Variants in MTHFSD observed in about 807,000 individuals in gnomAD.
MTHFSD encodes methenyltetrahydrofolate synthetase domain containing.
Under a neutral mutation model 31.1 loss-of-function variants are expected in MTHFSD, and 37 were observed. The observed-to-expected ratio is 1.19, with a 90% CI of 0.91 to 1.56. MTHFSD has a LOEUF of 1.56. MTHFSD is among the 40% of genes most tolerant of loss of function. MTHFSD has a pLI of 0.00. For synonymous variants in MTHFSD, 221 were observed against 206.9 expected, an observed-to-expected ratio of 1.07 and a Z score of -0.59; for missense variants, 664 against 510.1, an observed-to-expected ratio of 1.30 and a Z score of -2.91.
Position 86,552,315 on chromosome 16 carries a change from T to A in MTHFSD, c.124-169A>T, listed in dbSNP as rs540049543. On this transcript the variant is annotated intron_variant, in intron 2 of 7. Transcript: ENST00000360900. Reference sequence around the variant, plus strand: ...GCCCTGTTTCCAATGCAATCGCACGTTACTGAAAGGACAGCACGCTCTCAG... The same window carrying A: ...GCCCTGTTTCCAATGCAATCGCACGATACTGAAAGGACAGCACGCTCTCAG... The A allele has an allele frequency of 1.5e-5, 23 of 1,535,966 alleles. No individual in the cohort carries two copies. The East Asian group carries it at 4.9e-4, about 33-fold the overall frequency.
chr16:86,541,541 TG>T, intron 7 of MTHFSD, 155 bp downstream of exon 7: 2 of 1,000,492 alleles, frequency 2.0e-6, no homozygotes, highest in Non-Finnish European at 2.9e-6. Flanking sequence ...GGCCTGGACA[TG>T]GTCATTCAGG....
chr16:86,532,217 C>A lies in MTHFSD; in HGVS notation c.946G>T (p.Asp316Tyr). ...CTCTTCAGGTCACTCACACGGGCGT[C>A]CCCGGGGAGGTTCCCAACGTAAACA... ...ADVYVGNLPG[D>Y]ARVSDLKRAL... The change falls in exon 8 of 8, where the codon GAC becomes TAC. Residue 316 changes from aspartate to tyrosine, a missense_variant. By Grantham distance (160) the Asp-to-Tyr change is radical. Coordinates refer to ENST00000360900, the MANE Select transcript of MTHFSD (RefSeq NM_001159377.2). 6.3e-7 allele frequency: 1 copy of A among 1,580,668 alleles called. No homozygotes were observed. The highest frequency in any genetic ancestry group is 8.6e-7 in the Non-Finnish European group (1 of 1,163,360).
At chr16:86,544,583 T>G (rs1226550150) in intron 5 of MTHFSD, among the ~76,000 whole-genome samples, 1 of 152,160 alleles carries the variant, frequency 6.6e-6, no homozygotes, top group Non-Finnish European at 1.5e-5. Flanking sequence ...TGTGGAGAGA[T>G]AGGAACACTT....
chr16:86,541,407 A>G, intron 7 of MTHFSD: 2 of 576,630 alleles, frequency 3.5e-6, no homozygotes, highest in South Asian at 2.1e-5. Context: ...AACAGGGGGC[A>G]AGTAAAGCTT....
Position 86,551,401 on chromosome 16 carries a change from C to T in MTHFSD, c.237+632G>A, listed in dbSNP as rs186514569. ...AAGCATCATAATACCACAACTGTGG[C>T]AAAAAGAACTAAATCTTCCTTGTAA... On this transcript the variant is annotated intron_variant, in intron 3 of 7. Transcript: ENST00000360900. Among the ~76,000 whole-genome samples, 976 of 152,258 alleles carry T rather than the reference C, an allele frequency of 6.4e-3. 29 individuals are homozygous for T. The highest frequency in any genetic ancestry group is 2.6e-3 in the Non-Finnish European group (176 of 68,016).
At chr16:86,548,192 G>C in intron 4 of MTHFSD, 1 of 1,136,960 alleles carries the variant, frequency 8.8e-7, no homozygotes, top group Non-Finnish European at 1.2e-6. Flanking sequence ...CAGAGAACCA[G>C]ATCACCCGTC....
At position 86,552,029 on chromosome 16, in the gene MTHFSD, T is replaced by C. The variant is rs1416030059; in HGVS notation, c.237+4A>G. On this transcript the variant is annotated splice_donor_region_variant and intron_variant, in intron 3 of 7. Coordinates refer to ENST00000360900, the MANE Select transcript of MTHFSD (RefSeq NM_001159377.2). ...CTCGGCTCGGCTCAGGGAAGTGGAA[T>C]TACCTGCAGCACCAGCAGCCGAACG... 1 of 1,614,098 alleles carries C rather than the reference T, an allele frequency of 6.2e-7. No homozygotes were observed.
At chr16:86,543,216 C>A (rs1483577669) in intron 5 of MTHFSD, among the ~76,000 whole-genome samples, 1 of 152,266 alleles carries the variant, frequency 6.6e-6, no homozygotes, top group East Asian at 1.9e-4. Flanking sequence ...CTAGTCACTG[C>A]TCACTAGCGG....
In MTHFSD at chr16:86,532,469, T is replaced by A. The variant is rs758081981; in HGVS notation, c.694A>T (p.Met232Leu). 1 of 1,418,230 alleles carries A rather than the reference T, an allele frequency of 7.1e-7. No individual in the cohort carries two copies. The highest frequency in any genetic ancestry group is 9.2e-7 in the Non-Finnish European group (1 of 1,083,460). 87.9% of individuals were successfully genotyped at this position (1,418,230 alleles called of 1,614,324 possible). A position where few individuals can be genotyped will look rare whatever the true frequency, so the allele number is the denominator to read the frequency against. ...GITWFKISLE[M>L]MEKIPILRSL... Reference sequence around the variant, plus strand: ...CTCAGTATGGGGATTTTCTCCATCATCTCCAGGCTGATCTGAAAAGCAAAG... The same window carrying A: ...CTCAGTATGGGGATTTTCTCCATCAACTCCAGGCTGATCTGAAAAGCAAAG... The change falls in exon 8 of 8, where the codon ATG becomes TTG. Residue 232 changes from methionine (M) to leucine (L), a missense_variant. By Grantham distance (15) the Met-to-Leu change is conservative. Coordinates refer to ENST00000360900, the MANE Select transcript of MTHFSD (RefSeq NM_001159377.2).
intron 6 of MTHFSD, 134 bp from the exon 7 acceptor site, chr16:86,541,956 C>T: frequency 7.2e-7 from 1 of 1,391,350 alleles, no homozygotes; most frequent in South Asian, 1.3e-5. Context: ...GGCTTAGCCG[C>T]TGTACCACTA....
chr16:86,543,456 G>A (rs961968352), intron 5 of MTHFSD, among the ~76,000 whole-genome samples: 1 of 152,232 alleles, frequency 6.6e-6, no homozygotes, highest in African/African-American at 2.4e-5. Context: ...AACATGGTCT[G>A]TAAGAGAAAA....
intron 7 of MTHFSD, among the ~76,000 whole-genome samples, chr16:86,538,226 C>G (rs1970986801): frequency 4.8e-5 from 1 of 20,762 alleles, no homozygotes; most frequent in Non-Finnish European, 8.0e-5. Context: ...ATATATCATT[C>G]CTGCCCCCAG....
chr16:86,539,548 A>G (rs1166575044), intron 7 of MTHFSD, among the ~76,000 whole-genome samples: 1 of 152,214 alleles, frequency 6.6e-6, no homozygotes, highest in Admixed American at 6.5e-5. Context: ...AGATAGAGCT[A>G]TGAAGTGGGA....
At chr16:86,541,530 G>C in intron 7 of MTHFSD, 167 bp downstream of exon 7, 2 of 905,010 alleles carry the variant, frequency 2.2e-6, no homozygotes, top group Non-Finnish European at 3.3e-6. Context: ...TCTTAGGCCT[G>C]GGCCTGGACA....
At chr16:86,541,384 C>G (rs1971489007) in intron 7 of MTHFSD, among the ~76,000 whole-genome samples, 1 of 152,120 alleles carries the variant, frequency 6.6e-6, no homozygotes, top group African/African-American at 2.4e-5. Flanking sequence ...GAAAACAACT[C>G]TTAAAAATGA....
rs1451430893 is a variant in MTHFSD, at chr16:86,555,147, G to A, written c.16+22C>T. On this transcript the variant is annotated intron_variant, in intron 1 of 7. Coordinates refer to ENST00000360900, the MANE Select transcript of MTHFSD (RefSeq NM_001159377.2). ...GTCCCTCCCCATTCCCAGCCGCCCC[G>A]GAGCCCCGCCAGGCCCCCCACCTGC... 9 of 1,532,926 alleles carry A rather than the reference G, an allele frequency of 5.9e-6. No homozygotes were observed. In the Admixed American group the frequency reaches 9.9e-5, roughly 17 times the overall value. The allele number at this position is 1,532,926 out of a possible 1,614,324, so 95.0% of individuals were successfully genotyped here.
chr16:86,542,095 G>A lies in MTHFSD; in HGVS notation c.555+6C>T. 1 of 1,612,234 alleles carries A rather than the reference G, an allele frequency of 6.2e-7. No individual in the cohort carries two copies. The highest frequency in any genetic ancestry group is 1.1e-5 in the South Asian group (1 of 91,024). On this transcript the variant is annotated splice_donor_region_variant and intron_variant, in intron 6 of 7. Coordinates refer to ENST00000360900, the MANE Select transcript of MTHFSD (RefSeq NM_001159377.2). This position sits in a 1 kb window ranked among gnomAD's most constrained non-coding sequence, Gnocchi z 4.6. ...TGGCTCTGCTCAGCCCATTCATAAG[G>A]AGCACCTGGCAGTCGTGGACGATGG...
At position 86,554,767 on chromosome 16, in the gene MTHFSD, C is replaced by G. The variant is rs763906640; in HGVS notation, c.17-16G>C. Reference sequence around the variant, plus strand: ...GAGACACCTACTGCAACAAAAGATTCCCACTTAATAACATACAAAGGAATT... The same window carrying G: ...GAGACACCTACTGCAACAAAAGATTGCCACTTAATAACATACAAAGGAATT... On this transcript the variant is annotated splice_polypyrimidine_tract_variant and intron_variant, in intron 1 of 7. Transcript: ENST00000360900. 6.3e-7 allele frequency: 1 copy of G among 1,593,166 alleles called. No homozygotes were observed. The highest frequency in any genetic ancestry group is 2.2e-5 in the East Asian group (1 of 44,742).
intron 4 of MTHFSD, chr16:86,548,201 T>A: frequency 9.4e-7 from 1 of 1,062,750 alleles, no homozygotes; most frequent in Non-Finnish European, 1.3e-6. Flanking sequence ...AGATCACCCG[T>A]CTTCCCTTTT....
Sources: allele counts gnomAD v4.1 joint callset (sites outside exome capture counted in the v4.1 genomes callset), GRCh38; gene constraint gnomAD v4.1.1; non-coding constraint Gnocchi (gnomAD v3.1); transcripts MANE v1.5; gene names NCBI Gene and HGNC (gene_info 2026-07-23, HGNC 2026-07-21).